Variants in GOLGA5 observed in about 807,000 individuals in gnomAD.
GOLGA5 encodes golgin A5, also known as golgin subfamily A member 5.
Under a neutral mutation model 93.5 loss-of-function variants are expected in GOLGA5, and 50 were observed. The ratio of observed to expected loss-of-function variants is 0.53; its 90% CI spans 0.43 to 0.68. The LOEUF (loss-of-function observed/expected upper bound fraction) is 0.68, where lower values mean the gene tolerates loss of function less well. Ranked by LOEUF, GOLGA5 falls within the 30% of genes least tolerant of loss-of-function variation. GOLGA5 has a pLI of 0.00. For synonymous variants in GOLGA5, 312 were observed against 304.5 expected, an observed-to-expected ratio of 1.02 and a Z score of -0.26; for missense variants, 760 against 856.4, an observed-to-expected ratio of 0.89 and a Z score of 1.40.
chr14:92,795,437 A>G (rs7150537), intron 1 of GOLGA5, among the ~76,000 whole-genome samples: 112,810 of 152,214 alleles, frequency 0.74, 42,275 homozygotes, highest in East Asian at 0.85. Flanking sequence ...GCACTAGGGT[A>G]ACTTAGACTT....
chr14:92,816,114 A>T (rs914964746), intron 6 of GOLGA5, 137 bp from the exon 7 acceptor site: 2 of 618,142 alleles, frequency 3.2e-6, no homozygotes, highest in Admixed American at 2.9e-5. Flanking sequence ...ATCCTTAGGG[A>T]TTTAAGAAAA....
chr14:92,799,638 G>A (rs1411048970), intron 2 of GOLGA5, among the ~76,000 whole-genome samples: 1 of 145,428 alleles, frequency 6.9e-6, no homozygotes. Flanking sequence ...ACGGAGTCTC[G>A]CTTTGTCGCC....
intron 12 of GOLGA5, among the ~76,000 whole-genome samples, chr14:92,839,031 A>G (rs910378533): frequency 6.6e-6 from 1 of 152,232 alleles, no homozygotes; most frequent in Non-Finnish European, 1.5e-5. Flanking sequence ...AATACCAACT[A>G]TAACTGTTCT....
At chr14:92,814,182 C>T (rs1160460195) in intron 6 of GOLGA5, among the ~76,000 whole-genome samples, 1 of 151,796 alleles carries the variant, frequency 6.6e-6, no homozygotes. Context: ...TGTAACCTAA[C>T]GGGGAGAAAG....
chr14:92,836,193 A>G (rs1885638010), intron 11 of GOLGA5, among the ~76,000 whole-genome samples: 1 of 152,184 alleles, frequency 6.6e-6, no homozygotes, highest in African/African-American at 2.4e-5. Flanking sequence ...TCAAAAAAAT[A>G]TTTTAATAGT....
Position 92,839,449 on chromosome 14 carries a change from C to G in GOLGA5, c.*3C>G. 2 of 1,595,262 alleles carry G rather than the reference C, an allele frequency of 1.3e-6. No individual in the cohort carries two copies. The highest frequency in any genetic ancestry group is 1.7e-6 in the Non-Finnish European group (2 of 1,167,030). On this transcript the variant is annotated 3_prime_UTR_variant, in exon 13 of 13. Coordinates refer to ENST00000163416, the MANE Select transcript of GOLGA5 (RefSeq NM_005113.4). ...ACGACCAACCATATGGCAAATGAAC[C>G]AAGCCCAGTTGTTGCAGTGATTGGT... is the stretch of plus-strand genomic sequence containing the variant.
At chr14:92,834,175 A>C (rs1248621049) in intron 10 of GOLGA5, among the ~76,000 whole-genome samples, 2 of 129,998 alleles carry the variant, frequency 1.5e-5, no homozygotes, top group African/African-American at 6.1e-5. Flanking sequence ...AGTTTCTTTT[A>C]GGTTTCACCT....
intron 1 of GOLGA5, among the ~76,000 whole-genome samples, chr14:92,796,467 T>C (rs1440648991): frequency 6.6e-6 from 1 of 152,198 alleles, no homozygotes; most frequent in Non-Finnish European, 1.5e-5. Flanking sequence ...CCTCTGTCCT[T>C]TCTGTATGCC....
intron 9 of GOLGA5, among the ~76,000 whole-genome samples, chr14:92,828,943 C>T (rs922667435): frequency 2.0e-5 from 3 of 152,112 alleles, no homozygotes; most frequent in African/African-American, 7.2e-5. Flanking sequence ...GCTGAGATTA[C>T]AGGCATGAGC....
chr14:92,838,394 G>C (rs1259895609), intron 12 of GOLGA5, among the ~76,000 whole-genome samples: 1 of 151,654 alleles, frequency 6.6e-6, no homozygotes, highest in African/African-American at 2.4e-5. Context: ...CTGAGACTGA[G>C]TCTCGCTCTG....
At chr14:92,797,204 A>G (rs1340329104) in intron 1 of GOLGA5, among the ~76,000 whole-genome samples, 1 of 152,062 alleles carries the variant, frequency 6.6e-6, no homozygotes. Flanking sequence ...TCATAAAACC[A>G]TCCTATAAGG....
At chr14:92,836,571 TAATAGATCTGGAC>T (rs1159425381) in intron 11 of GOLGA5, among the ~76,000 whole-genome samples, 1 of 152,198 alleles carries the variant, frequency 6.6e-6, no homozygotes, top group African/African-American at 2.4e-5. Flanking sequence ...TGCAGAGGCA[TAATAGATCTGGAC>T]ATCATATTGC....
At chr14:92,806,092 G>T (rs1467550133) in intron 2 of GOLGA5, among the ~76,000 whole-genome samples, 2 of 150,964 alleles carry the variant, frequency 1.3e-5, no homozygotes, top group African/African-American at 2.4e-5. Flanking sequence ...ACTTCTCCTG[G>T]TTTTTTTTCC....
chr14:92,803,262 C>T (rs1884912867), intron 2 of GOLGA5, among the ~76,000 whole-genome samples: 2 of 152,290 alleles, frequency 1.3e-5, no homozygotes, highest in South Asian at 4.1e-4. Context: ...TCTTGAACTC[C>T]TGAGCTGAAG....
intron 9 of GOLGA5, among the ~76,000 whole-genome samples, chr14:92,826,272 A>G (rs1203273202): frequency 6.9e-6 from 1 of 145,526 alleles, no homozygotes; most frequent in Non-Finnish European, 1.5e-5. Flanking sequence ...AAAAGAGATC[A>G]GCATCTTAAT....
intron 2 of GOLGA5, among the ~76,000 whole-genome samples, chr14:92,805,136 A>G (rs1186971640): frequency 6.6e-6 from 1 of 152,196 alleles, no homozygotes; most frequent in Non-Finnish European, 1.5e-5. Flanking sequence ...CCTTTGCCCC[A>G]GAAAGTTCCT....
At chr14:92,813,003 A>G (rs1167875793) in intron 6 of GOLGA5, among the ~76,000 whole-genome samples, 1 of 151,954 alleles carries the variant, frequency 6.6e-6, no homozygotes, top group East Asian at 1.9e-4. Flanking sequence ...TCCCAGACCA[A>G]CTTCTCCCTC....
chr14:92,833,341 G>A lies in GOLGA5; in HGVS notation c.1939G>A (p.Gly647Ser), dbSNP rs150295315. Residue 647 changes from glycine (G) to serine (S), a missense_variant, in exon 10 of 13, where the codon GGT becomes AGT. Transcript: ENST00000163416. The stretch of plus-strand genomic sequence containing the variant: ...GATTAATATGTCTGGAATTGACAAT[G>A]GTGAAGGTAATCAAAAAAGGAATCT... ...SSINMSGIDNGEGTRLRNVPV... is the reference protein window; with the variant it reads ...SSINMSGIDNSEGTRLRNVPV... 318 of 1,580,122 alleles carry A rather than the reference G, an allele frequency of 2.0e-4. 2 individuals are homozygous for A. In the East Asian group the frequency reaches 7.0e-3, roughly 35 times the overall value.
chr14:92,805,122 A>G (rs539707272), intron 2 of GOLGA5, among the ~76,000 whole-genome samples: 1 of 152,250 alleles, frequency 6.6e-6, no homozygotes, highest in South Asian at 2.1e-4. Flanking sequence ...CGTGTTATAG[A>G]TTTCCTTTGC....
Sources: allele counts gnomAD v4.1 joint callset (sites outside exome capture counted in the v4.1 genomes callset), GRCh38; gene constraint gnomAD v4.1.1; transcripts MANE v1.5; gene names NCBI Gene and HGNC (gene_info 2026-07-23, HGNC 2026-07-21).